The following TG variants were observed in gnomAD, a reference collection of about 807,000 sequenced individuals.
TG encodes thyroglobulin.
Under a neutral mutation model 324.7 loss-of-function variants are expected in TG, and 270 were observed. The observed-to-expected ratio is 0.83, with a 90% CI of 0.75 to 0.92. TG has a LOEUF of 0.92. TG is among the 40% of genes least tolerant of loss of function. TG has a pLI of 0.00. For missense variants in TG, 3,591 were observed against 3,456.4 expected (o/e 1.04, Z -0.98); for synonymous variants, 1,401 against 1,327.0 (o/e 1.06, Z -1.21).
At chr8:133,038,397 T>C (rs1308287485) in intron 41 of TG, 2 of 724,598 alleles carry the variant, frequency 2.8e-6, no homozygotes, top group Non-Finnish European at 4.9e-6. Context: ...AGTCTCCATG[T>C]GGCTTCTCTT....
At chr8:132,961,799 C>G (rs1010092122) in intron 28 of TG, among the ~76,000 whole-genome samples, 1 of 152,154 alleles carries the variant, frequency 6.6e-6, no homozygotes, top group Admixed American at 6.5e-5. Context: ...TACTTCCTTC[C>G]TGTTCCCCTA....
chr8:132,896,760 A>C (rs1243757191), intron 11 of TG, among the ~76,000 whole-genome samples: 2 of 152,146 alleles, frequency 1.3e-5, no homozygotes, highest in South Asian at 2.1e-4. Flanking sequence ...TGAGCCAGAC[A>C]CTCCTCTACA....
At chr8:133,115,835 T>A (rs1426107868) in intron 44 of TG, among the ~76,000 whole-genome samples, 1 of 152,234 alleles carries the variant, frequency 6.6e-6, no homozygotes, top group Admixed American at 6.5e-5. Flanking sequence ...GCCCCACTCT[T>A]GTAAGCTGCT....
rs115762283 is a variant in TG, at chr8:133,020,720, G to A, written c.6876+1025G>A. 4.3e-3 allele frequency among the ~76,000 whole-genome samples: 653 copies of A among 152,334 alleles called. 5 individuals are homozygous for A. Among genetic ancestry groups the A allele is most frequent in the African/African-American group, 0.013 (543 of 41,578 alleles). ...TCCTCTCTGAAAGGCATTTCAATGAGTGACTCCACTGCTCTGAAACTCTGC... is the reference window on the plus strand; with the variant it reads ...TCCTCTCTGAAAGGCATTTCAATGAATGACTCCACTGCTCTGAAACTCTGC... On this transcript the variant is annotated intron_variant, in intron 39 of 47. Transcript: ENST00000220616.
intron 24 of TG, among the ~76,000 whole-genome samples, chr8:132,934,811 C>T (rs1305069973): frequency 6.6e-6 from 1 of 152,198 alleles, no homozygotes; most frequent in African/African-American, 2.4e-5. Flanking sequence ...ACCTCATCCA[C>T]ATAGCAAGAC....
chr8:133,050,828 C>T lies in TG; in HGVS notation c.7239+20805C>T, dbSNP rs140863357. On this transcript the variant is annotated intron_variant, in intron 41 of 47. Coordinates refer to ENST00000220616, the MANE Select transcript of TG (RefSeq NM_003235.5). ...AGAGCTGACTCACTCAGAAATCACA[C>T]GCAGTTTCTCCCCTCGGCGGAATAT... is the stretch of plus-strand genomic sequence containing the variant. The T allele has an allele frequency of 2.8e-5, 45 of 1,607,160 alleles. No homozygotes were observed. Among genetic ancestry groups the T allele is most frequent in the Middle Eastern group, 1.7e-4 (1 of 6,040 alleles).
chr8:133,050,612 A>G (rs1199942523), intron 41 of TG: 3 of 512,900 alleles, frequency 5.8e-6, no homozygotes, highest in Non-Finnish European at 1.0e-5. Flanking sequence ...AATTTGATCT[A>G]CCAGGCAGTG....
intron 29 of TG, among the ~76,000 whole-genome samples, chr8:132,966,348 G>A (rs1273107433): frequency 6.6e-6 from 1 of 152,098 alleles, no homozygotes; most frequent in East Asian, 1.9e-4. Context: ...GGGGCCTTCT[G>A]AACTATTCCT....
At chr8:133,126,022 C>A (rs1588145546) in intron 45 of TG, among the ~76,000 whole-genome samples, 1 of 152,198 alleles carries the variant, frequency 6.6e-6, no homozygotes, top group South Asian at 2.1e-4. Context: ...ACACTGTTAT[C>A]AAATGCGATG....
Position 133,115,961 on chromosome 8 carries a change from C to T in TG, c.7755-648C>T, listed in dbSNP as rs186347965. 1.3e-3 allele frequency among the ~76,000 whole-genome samples: 196 copies of T among 152,196 alleles called. 4 individuals carry two copies. In the East Asian group the frequency reaches 0.014, roughly 11 times the overall value. On this transcript the variant is annotated intron_variant, in intron 44 of 47. Transcript: ENST00000220616. ...CTGGATCTTTTTTTCTTATGTGGCT[C>T]CCTTTTCCACTGTAGGATGTTCAGC...
chr8:132,941,629 A>T (rs1824457017), intron 26 of TG, 87 bp downstream of exon 26: 4 of 1,512,240 alleles, frequency 2.6e-6, no homozygotes, highest in Non-Finnish European at 3.7e-6. Flanking sequence ...ATGGAGCTGC[A>T]TGGGGAGTAC....
rs1852219082 is a variant in TG, at chr8:133,134,683, C to T, written c.8196C>T (p.Ala2732=). The part of the protein sequence containing the change: ...ISSLKTSADG[A]KGGQSAESEE... The stretch of plus-strand genomic sequence containing the variant: ...CTTGCCCCTCTGTTTCAGATGGAGC[C>T]AAGGGCGGGCAGTCAGCAGAGAGTG... The change falls in exon 48 of 48, where the codon GCC becomes GCT. Residue 2732 remains alanine, a synonymous_variant. Transcript: ENST00000220616. 1.2e-6 allele frequency: 2 copies of T among 1,613,784 alleles called. No homozygotes were observed. The highest frequency in any genetic ancestry group is 1.7e-6 in the Non-Finnish European group (2 of 1,179,872).
chr8:133,117,912 C>G (rs1047666004), intron 45 of TG, among the ~76,000 whole-genome samples: 1 of 152,172 alleles, frequency 6.6e-6, no homozygotes, highest in Non-Finnish European at 1.5e-5. Context: ...TCTCTCTGAT[C>G]TTCAATATCC....
chr8:133,053,732 T>A (rs1387723717), intron 41 of TG, among the ~76,000 whole-genome samples: 1 of 151,926 alleles, frequency 6.6e-6, no homozygotes, highest in Non-Finnish European at 1.5e-5. Context: ...AAAAGCAAAA[T>A]CCCATTATAA....
chr8:132,939,866 G>A (rs1587492938), intron 25 of TG, among the ~76,000 whole-genome samples: 1 of 152,060 alleles, frequency 6.6e-6, no homozygotes, highest in Admixed American at 6.5e-5. Context: ...TAGTAGAGAC[G>A]GGGTTTCACC....
At chr8:133,131,173 A>G (rs1464898129) in intron 45 of TG, among the ~76,000 whole-genome samples, 3 of 152,164 alleles carry the variant, frequency 2.0e-5, no homozygotes, top group Non-Finnish European at 2.9e-5. Flanking sequence ...TGCTCACTCC[A>G]TGGCCCATGT....
At chr8:133,109,655 C>T (rs960920763) in intron 43 of TG, among the ~76,000 whole-genome samples, 2 of 152,116 alleles carry the variant, frequency 1.3e-5, no homozygotes, top group South Asian at 2.1e-4. Context: ...AGCCAGTTTC[C>T]TTGTCCACCC....
chr8:132,901,907 A>G (rs1482888403), intron 16 of TG, among the ~76,000 whole-genome samples: 1 of 152,160 alleles, frequency 6.6e-6, no homozygotes, highest in African/African-American at 2.4e-5. Flanking sequence ...ATCCTCACTG[A>G]GGCACTTCAG....
chr8:133,114,677 C>G (rs558352186), intron 44 of TG, among the ~76,000 whole-genome samples: 22 of 152,232 alleles, frequency 1.4e-4, no homozygotes, highest in African/African-American at 5.3e-4. Flanking sequence ...GGGTGGGATG[C>G]GAGTGCTTTT....
Sources: allele counts gnomAD v4.1 joint callset (sites outside exome capture counted in the v4.1 genomes callset), GRCh38; gene constraint gnomAD v4.1.1; transcripts MANE v1.5; gene names NCBI Gene and HGNC (gene_info 2026-07-23, HGNC 2026-07-21).